Variants in CS observed in about 807,000 individuals in gnomAD.
CS encodes the protein citrate synthase, mitochondrial.
CS carries 13 observed loss-of-function variants against 61.4 expected under a neutral mutation model. The ratio of observed to expected loss-of-function variants is 0.21; its 90% CI spans 0.14 to 0.34. The LOEUF (loss-of-function observed/expected upper bound fraction) is 0.34. CS is among the 10% of genes least tolerant of loss of function. The pLI is 1.00. For synonymous variants in CS, 159 were observed against 215.2 expected, an observed-to-expected ratio of 0.74 and a Z score of 2.29; for missense variants, 278 against 573.4, an observed-to-expected ratio of 0.48 and a Z score of 5.26.
At chr12:56,281,323 A>C (rs1171175243) in intron 6 of CS, among the ~76,000 whole-genome samples, 1 of 152,244 alleles carries the variant, frequency 6.6e-6, no homozygotes, top group Admixed American at 6.5e-5. Flanking sequence ...GCATTGGGAT[A>C]AGAAACAATC....
Position 56,273,102 on chromosome 12 carries a change from C to T in CS, c.1383G>A (p.Val461=). ...SMSTEGLMKF[V]DSKSG ...TCCAGTTTTACCCTGACTTAGAGTCCACAAACTTCATCAGACCCTCTGTGC... is the reference window on the plus strand; with the variant it reads ...TCCAGTTTTACCCTGACTTAGAGTCTACAAACTTCATCAGACCCTCTGTGC... Residue 461 remains valine, a synonymous_variant, in exon 11 of 11, where the codon GTG becomes GTA. Coordinates refer to ENST00000351328, the MANE Select transcript of CS (RefSeq NM_004077.3). The T allele has an allele frequency of 6.2e-7, 1 of 1,611,058 alleles. No homozygotes were observed. Among genetic ancestry groups the T allele is most frequent in the Non-Finnish European group, 8.5e-7 (1 of 1,178,738 alleles).
chr12:56,281,664 CT>C (rs1198683146), intron 6 of CS, among the ~76,000 whole-genome samples: 3 of 152,138 alleles, frequency 2.0e-5, no homozygotes. Flanking sequence ...AAGTCACATC[CT>C]TTTCTTTTCT....
In CS at chr12:56,281,445, C is replaced by T. The variant is rs114007739; in HGVS notation, c.588+975G>A. Among the ~76,000 whole-genome samples, 1,140 of 152,320 alleles carry T rather than the reference C, an allele frequency of 7.5e-3. 15 individuals carry two copies. Among genetic ancestry groups the T allele is most frequent in the African/African-American group, 0.026 (1,060 of 41,568 alleles). On this transcript the variant is annotated intron_variant, in intron 6 of 10. Coordinates refer to ENST00000351328, the MANE Select transcript of CS (RefSeq NM_004077.3). ...CTACTCCAAGGATACTAACCACTCT[C>T]CCACTCCTGATGGGTATCTTAGGTT...
rs1405631775 is a variant in CS at position 56,273,823 on chromosome 12, T to C, written c.1021-27A>G. The C allele has an allele frequency of 5.8e-6, 9 of 1,559,742 alleles. No individual in the cohort carries two copies. In the Admixed American group the frequency reaches 6.7e-5, roughly 12 times the overall value. On this transcript the variant is annotated intron_variant, in intron 9 of 10. Transcript: ENST00000351328. ...TGTAAAGAGTGAGGAAAAAAGATAG[T>C]ATTCTCAGTAGAAATTCTTTTATTT... is the stretch of plus-strand genomic sequence containing the variant.
chr12:56,284,965 C>T (rs1448355610), intron 3 of CS, among the ~76,000 whole-genome samples: 1 of 150,186 alleles, frequency 6.7e-6, no homozygotes, highest in Non-Finnish European at 1.5e-5. Flanking sequence ...TTTTTCCCCC[C>T]AGATGGAGTC....
intron 3 of CS, 98 bp downstream of exon 3, chr12:56,285,818 G>A: frequency 1.0e-6 from 1 of 973,252 alleles, no homozygotes; most frequent in Non-Finnish European, 1.7e-6. Context: ...CAGGGCCTAT[G>A]GGACAGAATG....
intron 1 of CS, chr12:56,291,185 T>C (rs2135923288): frequency 9.2e-7 from 1 of 1,085,156 alleles, no homozygotes; most frequent in African/African-American, 1.7e-5. Flanking sequence ...TCAGTAAATA[T>C]TTGTTTCTTA....
intron 9 of CS, 156 bp from the exon 10 acceptor site, chr12:56,273,952 G>T: frequency 1.6e-6 from 1 of 610,548 alleles, no homozygotes; most frequent in Non-Finnish European, 2.9e-6. Context: ...TCCCACTTCA[G>T]CCTCCAGAGT....
intron 1 of CS, among the ~76,000 whole-genome samples, chr12:56,288,233 C>T (rs1395726063): frequency 6.6e-6 from 1 of 152,110 alleles, no homozygotes; most frequent in Non-Finnish European, 1.5e-5. Flanking sequence ...CTGCACCTGT[C>T]CTTTTGTCAA....
At chr12:56,291,323 A>G (rs1592412963) in intron 1 of CS, 12 of 965,866 alleles carry the variant, frequency 1.2e-5, no homozygotes, top group Non-Finnish European at 1.4e-5. Context: ...AATACAAAAT[A>G]AAGTCCCAAT....
chr12:56,292,389 T>TAA (rs759545743), intron 1 of CS, among the ~76,000 whole-genome samples: 6 of 109,226 alleles, frequency 5.5e-5, no homozygotes, highest in East Asian at 2.5e-4. Flanking sequence ...AGACTTGGTC[T>TAA]AAAAAAAAAA....
At chr12:56,279,765 CA>C (rs1395153541) in intron 6 of CS, among the ~76,000 whole-genome samples, 6 of 134,954 alleles carry the variant, frequency 4.4e-5, no homozygotes, top group African/African-American at 8.3e-5. Context: ...GACTCCATCT[CA>C]AAAAAAAAAC....
rs1334328712 is a variant in CS at position 56,274,833 on chromosome 12, C to G, written c.964G>C (p.Asp322His). ...TCTCGTAACTTCTCATCTGACACAT[C>G]TTTGCCAACTTCCTTCTGCAGCTGT... ...LTQLQKEVGK[D>H]VSDEKLRDYI... The change falls in exon 9 of 11, where the codon GAT (aspartate) becomes CAT (histidine). Residue 322 changes from aspartate (D) to histidine (H), a missense_variant. Transcript: ENST00000351328. 1.9e-6 allele frequency: 3 copies of G among 1,611,932 alleles called. No homozygotes were observed. The highest frequency in any genetic ancestry group is 2.5e-6 in the Non-Finnish European group (3 of 1,179,144).
chr12:56,288,643 G>A (rs1048734510), intron 1 of CS, among the ~76,000 whole-genome samples: 51 of 151,500 alleles, frequency 3.4e-4, no homozygotes, highest in African/African-American at 1.1e-3. Context: ...CTGTTGGGAC[G>A]GAGAGGAGGA....
intron 6 of CS, among the ~76,000 whole-genome samples, chr12:56,280,569 G>A (rs1872752363): frequency 1.3e-5 from 2 of 151,970 alleles, no homozygotes; most frequent in Admixed American, 1.3e-4. Context: ...CAAGGTTACA[G>A]TGAGCTATGA....
At chr12:56,283,069 TACA>T (rs1872822969) in intron 4 of CS, 78 bp from the exon 5 acceptor site, 1 of 1,498,304 alleles carries the variant, frequency 6.7e-7, no homozygotes, top group East Asian at 2.3e-5. Context: ...CATCAGACCT[TACA>T]ACAAGTTAGA....
chr12:56,300,094 G>C, intron 1 of CS, 66 bp downstream of exon 1: 1 of 1,495,534 alleles, frequency 6.7e-7, no homozygotes, highest in Non-Finnish European at 9.0e-7. Context: ...AGACCCCGGC[G>C]CCGGAGGGCC....
At chr12:56,280,440 A>AC (rs1317444684) in intron 6 of CS, among the ~76,000 whole-genome samples, 5 of 119,882 alleles carry the variant, frequency 4.2e-5, no homozygotes, top group South Asian at 2.7e-4. Flanking sequence ...AAAAAAAACA[A>AC]AAAAATTAGC....
chr12:56,277,316 G>A lies in CS; in HGVS notation c.589-1121C>T, dbSNP rs1872650084. 2.6e-5 allele frequency among the ~76,000 whole-genome samples: 4 copies of A among 151,112 alleles called. No individual in the cohort carries two copies. In the South Asian group the frequency reaches 6.3e-4, roughly 24 times the overall value. ...AGATCGAGACCATCCTGGCTAACAC[G>A]GTGAAACCCCGTCTCTACTAAAAAT... On this transcript the variant is annotated intron_variant, in intron 6 of 10. Transcript: ENST00000351328.
Sources: allele counts gnomAD v4.1 joint callset (sites outside exome capture counted in the v4.1 genomes callset), GRCh38; gene constraint gnomAD v4.1.1; transcripts MANE v1.5; gene names NCBI Gene and HGNC (gene_info 2026-07-23, HGNC 2026-07-21).